Variants in DNAH7 observed in about 807,000 individuals in gnomAD.
DNAH7 encodes axonemal beta dynein heavy chain 7.
Under a neutral mutation model 444.6 loss-of-function variants are expected in DNAH7, and 397 were observed. The ratio of observed to expected loss-of-function variants is 0.89; its 90% CI spans 0.82 to 0.97. The LOEUF is 0.97. DNAH7 is among the 50% of genes least tolerant of loss of function. The pLI is 0.00. For synonymous variants in DNAH7, 1,636 were observed against 1,624.4 expected, an observed-to-expected ratio of 1.01 and a Z score of -0.17; for missense variants, 4,902 against 4,800.8, an observed-to-expected ratio of 1.02 and a Z score of -0.62.
chr2:195,920,420 C>G (rs1396378715), intron 24 of DNAH7, among the ~76,000 whole-genome samples: 1 of 152,128 alleles, frequency 6.6e-6, no homozygotes, highest in African/African-American at 2.4e-5. Flanking sequence ...AAGCCAAATA[C>G]TTCCAGCCAA....
intron 15 of DNAH7, among the ~76,000 whole-genome samples, chr2:195,972,802 G>C (rs185253242): frequency 6.6e-6 from 1 of 152,310 alleles, no homozygotes; most frequent in African/African-American, 2.4e-5. Flanking sequence ...CCTGCTATGG[G>C]CCTGACACTG....
chr2:195,809,004 G>T, intron 52 of DNAH7, 128 bp from the exon 53 acceptor site: 2 of 748,236 alleles, frequency 2.7e-6, no homozygotes, highest in East Asian at 2.7e-5. Flanking sequence ...AAATTCTATA[G>T]CTAGTGTTAT....
intron 15 of DNAH7, among the ~76,000 whole-genome samples, chr2:195,974,429 A>G (rs1365072187): frequency 6.6e-6 from 1 of 152,170 alleles, no homozygotes. Context: ...AATCTTTTTT[A>G]AAATATAGAA....
intron 13 of DNAH7, among the ~76,000 whole-genome samples, chr2:195,987,683 G>A (rs1462034253): frequency 1.3e-5 from 2 of 151,968 alleles, no homozygotes; most frequent in Non-Finnish European, 2.9e-5. Flanking sequence ...AATCAAATAG[G>A]TTCTTGGAAT....
At chr2:195,849,264 A>G (rs1467145269) in intron 46 of DNAH7, among the ~76,000 whole-genome samples, 1 of 152,184 alleles carries the variant, frequency 6.6e-6, no homozygotes, top group Non-Finnish European at 1.5e-5. Flanking sequence ...CTCTTGCTCA[A>G]AAAAGACATT....
At chr2:196,063,102 G>C (rs563896667) in intron 1 of DNAH7, among the ~76,000 whole-genome samples, 2 of 152,180 alleles carry the variant, frequency 1.3e-5, no homozygotes, top group Middle Eastern at 3.4e-3. Flanking sequence ...GGCTGGTCTC[G>C]AACTCCTGAC....
At chr2:195,926,391 T>G in intron 22 of DNAH7, 35 bp downstream of exon 22, 1 of 1,459,726 alleles carries the variant, frequency 6.9e-7, no homozygotes, top group Middle Eastern at 1.8e-4. Context: ...ATTGAAAAAA[T>G]GCTTAAAAAA....
At chr2:195,883,265 G>A (rs772810561) in intron 35 of DNAH7, among the ~76,000 whole-genome samples, 5 of 152,102 alleles carry the variant, frequency 3.3e-5, no homozygotes, top group African/African-American at 4.8e-5. Flanking sequence ...GGCTAACACG[G>A]TGAAACCCCG....
intron 61 of DNAH7, among the ~76,000 whole-genome samples, chr2:195,762,087 C>A (rs1694375078): frequency 6.6e-6 from 1 of 151,846 alleles, no homozygotes; most frequent in Non-Finnish European, 1.5e-5. Context: ...AGTTAAAAAG[C>A]AGGAGGGATG....
Position 195,864,989 on chromosome 2 carries a change from G to T in DNAH7, c.6666C>A (p.Asp2222Glu). 6.2e-7 allele frequency: 1 copy of T among 1,603,062 alleles called. No homozygotes were observed. The change falls in exon 41 of 65, where the codon GAC becomes GAA. Residue 2222 changes from aspartate (D) to glutamate (E), a missense_variant. Physicochemically the swap from Asp to Glu is conservative, Grantham distance 45. Coordinates refer to ENST00000312428, the MANE Select transcript of DNAH7 (RefSeq NM_018897.3). ...VLRVYYDRLL[D>E]NTDRSWLINY... ...TGATGAGCCAGCTTCTGTCTGTATT[G>T]TCCAGAAGGCGGTCATAATACACTC... is the stretch of plus-strand genomic sequence containing the variant.
chr2:195,834,729 C>G (rs1445879707), intron 47 of DNAH7, among the ~76,000 whole-genome samples: 1 of 152,224 alleles, frequency 6.6e-6, no homozygotes, highest in Non-Finnish European at 1.5e-5. Flanking sequence ...TAAGCCCTCC[C>G]ATTAATGAAT....
At position 195,864,984 on chromosome 2, in the gene DNAH7, G is replaced by A. The variant is rs1452061225; in HGVS notation, c.6671C>T (p.Thr2224Ile). The A allele has an allele frequency of 6.2e-7, 1 of 1,604,276 alleles. No homozygotes were observed. The highest frequency in any genetic ancestry group is 1.1e-5 in the South Asian group (1 of 91,074). Residue 2224 changes from threonine to isoleucine, a missense_variant, in exon 41 of 65, where the codon ACA (threonine) becomes ATA (isoleucine). By Grantham distance (89) the Thr-to-Ile change is moderately conservative. Coordinates refer to ENST00000312428, the MANE Select transcript of DNAH7 (RefSeq NM_018897.3). ...GTAGTTGATGAGCCAGCTTCTGTCT[G>A]TATTGTCCAGAAGGCGGTCATAATA... ...RVYYDRLLDN[T>I]DRSWLINYIQ...
chr2:196,055,864 T>C (rs1278252893), intron 2 of DNAH7, among the ~76,000 whole-genome samples: 1 of 152,196 alleles, frequency 6.6e-6, no homozygotes, highest in Non-Finnish European at 1.5e-5. Flanking sequence ...CTTTTTAAGA[T>C]CTCTGCATCA....
chr2:195,934,371 T>G (rs935813141), intron 21 of DNAH7, among the ~76,000 whole-genome samples: 3 of 152,188 alleles, frequency 2.0e-5, no homozygotes, highest in African/African-American at 7.2e-5. Flanking sequence ...AACCCAAGTG[T>G]TTTGTAGTAT....
intron 52 of DNAH7, 107 bp from the exon 53 acceptor site, chr2:195,808,983 T>A: frequency 1.1e-6 from 1 of 931,876 alleles, no homozygotes; most frequent in East Asian, 2.6e-5. Flanking sequence ...GTTTCAGATG[T>A]GGTCTCTATG....
chr2:195,974,525 C>T (rs1018446002), intron 15 of DNAH7, among the ~76,000 whole-genome samples: 1 of 152,076 alleles, frequency 6.6e-6, no homozygotes, highest in Admixed American at 6.5e-5. Flanking sequence ...TAAATAATCC[C>T]CAAATTCCTA....
At chr2:195,938,684 C>T (rs1044184660) in intron 19 of DNAH7, among the ~76,000 whole-genome samples, 2 of 151,994 alleles carry the variant, frequency 1.3e-5, no homozygotes, top group South Asian at 4.1e-4. Context: ...AACAAACAAA[C>T]AACAACAAAC....
intron 64 of DNAH7, among the ~76,000 whole-genome samples, 164 bp from the exon 65 acceptor site, chr2:195,738,291 T>C (rs943608809): frequency 6.6e-6 from 1 of 152,220 alleles, no homozygotes; most frequent in Non-Finnish European, 1.5e-5. Flanking sequence ...AAACATTTTA[T>C]AGAACTCTCA....
At chr2:195,865,595 C>T (rs1032975190) in intron 40 of DNAH7, among the ~76,000 whole-genome samples, 2 of 151,984 alleles carry the variant, frequency 1.3e-5, no homozygotes, top group African/African-American at 2.4e-5. Context: ...AATAAATCTC[C>T]GGTTATATGC....
Sources: allele counts gnomAD v4.1 joint callset (sites outside exome capture counted in the v4.1 genomes callset), GRCh38; gene constraint gnomAD v4.1.1; transcripts MANE v1.5; gene names NCBI Gene and HGNC (gene_info 2026-07-23, HGNC 2026-07-21).